Variants in TMEM51 observed in about 807,000 individuals in gnomAD.
TMEM51 encodes the protein transmembrane protein 51.
In TMEM51, 8 loss-of-function variants were observed where a neutral mutation model predicts 13.6. The ratio of observed to expected loss-of-function variants is 0.59; its 90% confidence interval spans 0.35 to 1.07. The LOEUF (loss-of-function observed/expected upper bound fraction) is 1.07. Among genes scored for constraint, TMEM51 ranks in the 50% least tolerant of loss-of-function variants. The pLI is 0.02. For synonymous variants in TMEM51, 147 were observed against 144.4 expected, an observed-to-expected ratio of 1.02 and a Z score of -0.13; for missense variants, 279 against 330.7, an observed-to-expected ratio of 0.84 and a Z score of 1.21.
intron 1 of TMEM51, among the ~76,000 whole-genome samples, chr1:15,164,867 A>G (rs911277379): frequency 1.4e-5 from 2 of 145,738 alleles, no homozygotes; most frequent in African/African-American, 5.2e-5. Context: ...CAGTGGCACA[A>G]TCTCGGCTCA....
At chr1:15,197,715 A>G (rs1573429538) in intron 1 of TMEM51, among the ~76,000 whole-genome samples, 1 of 152,096 alleles carries the variant, frequency 6.6e-6, no homozygotes, top group East Asian at 1.9e-4. Context: ...AGATGAGGAA[A>G]CCGAGGCTCT....
rs1429589852 is a variant in TMEM51 at position 15,161,601 on chromosome 1, T to C, written c.-267+7647T>C. 6.6e-6 allele frequency among the ~76,000 whole-genome samples: 1 copy of C among 152,032 alleles called. No individual in the cohort carries two copies. The highest frequency in any genetic ancestry group is 1.5e-5 in the Non-Finnish European group (1 of 68,026). On this transcript the variant is annotated intron_variant, in intron 1 of 3. Coordinates refer to ENST00000376008, the MANE Select transcript of TMEM51 (RefSeq NM_001136218.2). The surrounding 1 kb of genome is among the most constrained non-coding windows in gnomAD (Gnocchi z 4.0). Reference sequence around the variant, plus strand: ...GTGCATACTTGTCTTAGTCCATTTGTGTTGCTGTAAAGAAATACCTGAGAT... The same window carrying C: ...GTGCATACTTGTCTTAGTCCATTTGCGTTGCTGTAAAGAAATACCTGAGAT...
chr1:15,185,935 A>G (rs1643759285), intron 1 of TMEM51, among the ~76,000 whole-genome samples: 1 of 152,106 alleles, frequency 6.6e-6, no homozygotes, highest in African/African-American at 2.4e-5. Context: ...GGAAAGAACC[A>G]TGTCTACCCC....
In TMEM51 at chr1:15,219,854, G is replaced by A. The variant is rs2100373986; in HGVS notation, c.*111G>A. ...GAAGCGGAGGGGCCAGCTGTGCATGGAGCCATTTGGATGGCGGCGGGCGGG... is the reference window on the plus strand; with the variant it reads ...GAAGCGGAGGGGCCAGCTGTGCATGAAGCCATTTGGATGGCGGCGGGCGGG... On this transcript the variant is annotated 3_prime_UTR_variant, in exon 4 of 4. Transcript: ENST00000376008. 2.3e-6 allele frequency: 3 copies of A among 1,288,690 alleles called. No homozygotes were observed. The highest frequency in any genetic ancestry group is 2.7e-4 in the Middle Eastern group (1 of 3,748). 79.8% of individuals were successfully genotyped at this position (1,288,690 alleles called of 1,614,324 possible).
At chr1:15,167,043 A>G (rs10927695) in intron 1 of TMEM51, among the ~76,000 whole-genome samples, 143,087 of 152,228 alleles carry the variant, frequency 0.94, 67,292 homozygotes, top group East Asian at 0.99. Flanking sequence ...ATACATTTGA[A>G]ATGGCTGGGT....
chr1:15,180,450 C>G (rs961031949), intron 1 of TMEM51, among the ~76,000 whole-genome samples: 24 of 152,336 alleles, frequency 1.6e-4, no homozygotes, highest in Admixed American at 1.4e-3. Flanking sequence ...CGGGCAGAAC[C>G]AGACAGGCAC....
chr1:15,201,169 T>A (rs989164783), intron 1 of TMEM51, among the ~76,000 whole-genome samples: 6 of 152,244 alleles, frequency 3.9e-5, no homozygotes, highest in Non-Finnish European at 7.3e-5. Flanking sequence ...TTAACTTCCC[T>A]AACTACAGGC....
At chr1:15,182,846 T>G (rs1307819962) in intron 1 of TMEM51, among the ~76,000 whole-genome samples, 1 of 152,182 alleles carries the variant, frequency 6.6e-6, no homozygotes, top group African/African-American at 2.4e-5. Context: ...CACTGCAACC[T>G]CTGCCTCCTG....
intron 1 of TMEM51, among the ~76,000 whole-genome samples, chr1:15,167,313 C>CGA (rs1643047056): frequency 8.9e-6 from 1 of 112,964 alleles, no homozygotes; most frequent in East Asian, 2.7e-4. Context: ...GGCGACAGAG[C>CGA]GAGACTCCAT....
In TMEM51 at chr1:15,219,658, C is replaced by G. The variant is rs780018647; in HGVS notation, c.677C>G (p.Pro226Arg). The G allele has an allele frequency of 6.2e-7, 1 of 1,614,004 alleles. No homozygotes were observed. ...ATCAACCTCCCAGACAAAAACGTCC[C>G]TCCTCCCTCGATAGAGCCTTTGACT... ...FRINLPDKNV[P>R]PPSIEPLTPP... Residue 226 changes from proline to arginine, a missense_variant, in exon 4 of 4, where the codon CCT becomes CGT. Physicochemically the swap from Pro to Arg is moderately radical, Grantham distance 103. Transcript: ENST00000376008.
chr1:15,193,705 A>G (rs1177337666), intron 1 of TMEM51, among the ~76,000 whole-genome samples: 1 of 150,444 alleles, frequency 6.6e-6, no homozygotes, highest in Non-Finnish European at 1.5e-5. Context: ...GGTGCGTGCC[A>G]CCACGCCCAG....
intron 1 of TMEM51, chr1:15,171,233 G>C (rs1010748893): frequency 6.1e-5 from 79 of 1,303,986 alleles, no homozygotes; most frequent in Non-Finnish European, 8.0e-5. Flanking sequence ...CTGGAAGATC[G>C]CTGTTTGAGA....
chr1:15,214,043 G>C (rs1350643968), intron 2 of TMEM51, among the ~76,000 whole-genome samples: 2 of 149,182 alleles, frequency 1.3e-5, no homozygotes, highest in African/African-American at 4.9e-5. Flanking sequence ...AGTAGAGACG[G>C]GGTTTTACCA....
chr1:15,219,415 CA>C lies in TMEM51; in HGVS notation c.436del (p.Arg146GlyfsTer9). 1 of 1,613,742 alleles carries C rather than the reference CA, an allele frequency of 6.2e-7. No individual in the cohort carries two copies. Among genetic ancestry groups the C allele is most frequent in the Non-Finnish European group, 8.5e-7 (1 of 1,179,724 alleles). ...EEVMNTNYSE[A>X]RGEEQNPRLS... is the part of the protein sequence containing the mutation. ...GTGATGAACACAAACTACTCAGAAG[CA>C]AGGGGAGAGGAGCAGAACCCGAGGT... On this transcript the variant is annotated frameshift_variant, in exon 4 of 4. Coordinates refer to ENST00000376008, the MANE Select transcript of TMEM51 (RefSeq NM_001136218.2). LOFTEE classifies it high-confidence loss of function.
At chr1:15,203,636 A>C (rs960012634) in intron 1 of TMEM51, among the ~76,000 whole-genome samples, 1 of 152,090 alleles carries the variant, frequency 6.6e-6, no homozygotes, top group African/African-American at 2.4e-5. Context: ...CACAGACTCT[A>C]ATGTGAGCTC....
In TMEM51 at chr1:15,210,044, G is replaced by A. The variant is rs147075784; in HGVS notation, c.-266-446G>A. On this transcript the variant is annotated intron_variant, in intron 1 of 3. Transcript: ENST00000376008. ...AGACTCAGGAAGGAAGGAAGGAAGG[G>A]AGGAAGGGAGGGAGACGGGGAGGGA... Among the ~76,000 whole-genome samples, 692 of 152,116 alleles carry A rather than the reference G, an allele frequency of 4.5e-3. 1 individual carries two copies. The highest frequency in any genetic ancestry group is 8.0e-3 in the Non-Finnish European group (546 of 67,960).
chr1:15,158,391 A>C (rs954148297), intron 1 of TMEM51, among the ~76,000 whole-genome samples: 4 of 152,172 alleles, frequency 2.6e-5, no homozygotes, highest in African/African-American at 9.7e-5. Context: ...CGTGTGACCC[A>C]AATTCATACA....
chr1:15,164,412 C>T, intron 1 of TMEM51: 3 of 456,092 alleles, frequency 6.6e-6, no homozygotes. Flanking sequence ...TTCGGTTTGC[C>T]TGATGTCTTC....
chr1:15,171,387 G>C, intron 1 of TMEM51: 1 of 1,223,328 alleles, frequency 8.2e-7, no homozygotes, highest in Non-Finnish European at 1.1e-6. Flanking sequence ...AAAGGAAGGT[G>C]GAAGAGTTGC....
Sources: gnomAD v4.1 joint callset for allele counts (sites outside exome capture counted in the v4.1 genomes callset) on GRCh38, gnomAD v4.1.1 for gene constraint, Gnocchi (gnomAD v3.1) non-coding constraint, MANE v1.5 for transcripts, NCBI Gene and HGNC (gene_info 2026-07-23, HGNC 2026-07-21) for gene names.